Variants in CAMKMT observed in about 807,000 individuals in gnomAD.
CAMKMT encodes calmodulin-lysine N-methyltransferase, also known as CaM KMT.
A neutral mutation model predicts 48.0 loss-of-function variants in CAMKMT; 53 were observed. The observed-to-expected ratio is 1.10, with a 90% CI of 0.89 to 1.39. The LOEUF (loss-of-function observed/expected upper bound fraction) is 1.39. Among genes scored for constraint, CAMKMT ranks in the 40% most tolerant of loss-of-function variants. The pLI, the probability that CAMKMT is intolerant of heterozygous loss-of-function variation, is 0.00. For missense variants in CAMKMT, 428 were observed against 402.7 expected (o/e 1.06, Z -0.54); for synonymous variants, 165 against 152.3 (o/e 1.08, Z -0.61).
intron 6 of CAMKMT, among the ~76,000 whole-genome samples, chr2:44,713,512 T>A (rs1384246530): frequency 1.3e-5 from 2 of 152,226 alleles, no homozygotes; most frequent in African/African-American, 4.8e-5. Flanking sequence ...AATAATTTCT[T>A]CCTGAAATAG....
chr2:44,547,495 C>T (rs2103636684), intron 3 of CAMKMT, among the ~76,000 whole-genome samples: 1 of 152,184 alleles, frequency 6.6e-6, no homozygotes. Flanking sequence ...ATAGTCACTG[C>T]ACTCCAGCCT....
intron 3 of CAMKMT, among the ~76,000 whole-genome samples, chr2:44,485,114 T>C (rs1669154301): frequency 6.6e-6 from 1 of 152,172 alleles, no homozygotes; most frequent in East Asian, 1.9e-4. Context: ...ACACTACTAA[T>C]GGAAAAACCA....
At chr2:44,400,817 G>A (rs1174467395) in intron 3 of CAMKMT, 1 of 150,888 alleles carries the variant, frequency 6.6e-6, no homozygotes, top group Non-Finnish European at 1.5e-5. Context: ...ACTTATTTGA[G>A]TTAAAATTGT....
At chr2:44,673,495 AAGG>A (rs1558786708) in intron 3 of CAMKMT, among the ~76,000 whole-genome samples, 67 of 138,820 alleles carry the variant, frequency 4.8e-4, no homozygotes, top group African/African-American at 1.8e-3. Context: ...GGAAGGAAGG[AAGG>A]AAGGAAGGAA....
At chr2:44,585,110 C>G (rs1352429078) in intron 3 of CAMKMT, among the ~76,000 whole-genome samples, 1 of 151,800 alleles carries the variant, frequency 6.6e-6, no homozygotes, top group Non-Finnish European at 1.5e-5. Context: ...TTTTAGTGCC[C>G]AGCTTTTTAA....
chr2:44,436,932 T>C (rs1332055151), intron 3 of CAMKMT, among the ~76,000 whole-genome samples: 1 of 152,234 alleles, frequency 6.6e-6, no homozygotes, highest in African/African-American at 2.4e-5. Flanking sequence ...GATTCAACTT[T>C]TTGAAACACT....
rs374829706 is a variant in CAMKMT at position 44,594,262 on chromosome 2, A to G, written c.377-110021A>G. On this transcript the variant is annotated intron_variant, in intron 3 of 10. Coordinates refer to ENST00000378494, the MANE Select transcript of CAMKMT (RefSeq NM_024766.5). ...CGAAGTAATTTATAAATTCAATGCT[A>G]TCCCCATCAAGCTACCATTGACTTT... Among the ~76,000 whole-genome samples, 14 of 152,312 alleles carry G rather than the reference A, an allele frequency of 9.2e-5. 1 individual carries two copies. In the South Asian group the frequency reaches 2.9e-3, roughly 32 times the overall value.
At chr2:44,655,159 CT>C (rs1674306870) in intron 3 of CAMKMT, among the ~76,000 whole-genome samples, 1 of 152,134 alleles carries the variant, frequency 6.6e-6, no homozygotes, top group Non-Finnish European at 1.5e-5. Context: ...TTCATGTAGA[CT>C]TTGAAATGCT....
chr2:44,487,416 C>G (rs538599326), intron 3 of CAMKMT, among the ~76,000 whole-genome samples: 26 of 152,146 alleles, frequency 1.7e-4, no homozygotes, highest in Non-Finnish European at 2.8e-4. Context: ...GAAATATGTA[C>G]TATCATGATA....
chr2:44,391,562 TC>T (rs1681343648), intron 3 of CAMKMT, among the ~76,000 whole-genome samples: 1 of 152,140 alleles, frequency 6.6e-6, no homozygotes, highest in Non-Finnish European at 1.5e-5. Context: ...ATGTTAAATA[TC>T]ATTGAGTCAG....
At chr2:44,509,970 G>C (rs1670457503) in intron 3 of CAMKMT, among the ~76,000 whole-genome samples, 1 of 152,108 alleles carries the variant, frequency 6.6e-6, no homozygotes, top group Non-Finnish European at 1.5e-5. Flanking sequence ...CCCAGGCTCA[G>C]GTATTCTGTT....
chr2:44,621,278 A>AT (rs775298681), intron 3 of CAMKMT, among the ~76,000 whole-genome samples: 3,946 of 150,866 alleles, frequency 0.026, 171 homozygotes, highest in African/African-American at 0.08. Flanking sequence ...AAAAAAAAAA[A>AT]AAAAAAAGCA....
rs1188714258 is a variant in CAMKMT at position 44,501,159 on chromosome 2, A to G, written c.376+110854A>G. Among the ~76,000 whole-genome samples the G allele has an allele frequency of 5.9e-5, 9 of 151,464 alleles. No individual in the cohort carries two copies. The East Asian group carries it at 7.7e-4, about 13-fold the overall frequency. On this transcript the variant is annotated intron_variant, in intron 3 of 10. Coordinates refer to ENST00000378494, the MANE Select transcript of CAMKMT (RefSeq NM_024766.5). Reference sequence around the variant, plus strand: ...ATGTGAATATTTTATATACATACCTATGACAAATCTTAATTTTTATATACA... The same window carrying G: ...ATGTGAATATTTTATATACATACCTGTGACAAATCTTAATTTTTATATACA...
chr2:44,699,459 C>T (rs781304313), intron 3 of CAMKMT, among the ~76,000 whole-genome samples: 26 of 152,106 alleles, frequency 1.7e-4, no homozygotes, highest in Non-Finnish European at 3.5e-4. Context: ...AAGGGAAGTG[C>T]TTTTTTCGGA....
At chr2:44,741,395 T>C (rs1372923659) in intron 7 of CAMKMT, among the ~76,000 whole-genome samples, 2 of 152,220 alleles carry the variant, frequency 1.3e-5, no homozygotes, top group South Asian at 2.1e-4. Context: ...ACCATTCTCA[T>C]TGTATGTTAC....
intron 3 of CAMKMT, among the ~76,000 whole-genome samples, chr2:44,403,721 C>A (rs1682589571): frequency 6.6e-6 from 1 of 152,162 alleles, no homozygotes; most frequent in Admixed American, 6.5e-5. Context: ...TATATGCACT[C>A]ATATACATTA....
At chr2:44,605,225 T>A (rs1671218572) in intron 3 of CAMKMT, among the ~76,000 whole-genome samples, 2 of 152,138 alleles carry the variant, frequency 1.3e-5, no homozygotes, top group Admixed American at 6.5e-5. Flanking sequence ...GTTGAGAAAT[T>A]ATTATTATAT....
At chr2:44,409,193 A>C (rs901191632) in intron 3 of CAMKMT, among the ~76,000 whole-genome samples, 4 of 136,150 alleles carry the variant, frequency 2.9e-5, no homozygotes, top group African/African-American at 5.9e-5. Flanking sequence ...GTATATTGCT[A>C]CATAAAGACA....
intron 2 of CAMKMT, among the ~76,000 whole-genome samples, chr2:44,373,725 A>G (rs1421332326): frequency 3.3e-5 from 5 of 152,338 alleles, no homozygotes; most frequent in African/African-American, 9.6e-5. Flanking sequence ...TTAGTTTAGA[A>G]TATCTAAGCT....
Sources: allele counts gnomAD v4.1 joint callset (sites outside exome capture counted in the v4.1 genomes callset), GRCh38; gene constraint gnomAD v4.1.1; transcripts MANE v1.5; gene names NCBI Gene and HGNC (gene_info 2026-07-23, HGNC 2026-07-21).